The following NFAT5 variants were observed in gnomAD, a reference collection of about 807,000 sequenced individuals.
The protein encoded by NFAT5 is nuclear factor of activated T cells 5, also known as nuclear factor of activated T-cells 5.
A neutral mutation model predicts 166.5 loss-of-function variants in NFAT5; 31 were observed. The observed-to-expected ratio is 0.19, with a 90% confidence interval of 0.14 to 0.25. The LOEUF is 0.25. Ranked by LOEUF, NFAT5 falls within the 10% of genes least tolerant of loss-of-function variation. The probability of loss-of-function intolerance (pLI) is 1.00; values close to 1 mark genes in which losing one functional copy is unlikely to be tolerated. For synonymous variants in NFAT5, 612 were observed against 639.7 expected (o/e 0.96, Z 0.65); for missense variants, 1,449 against 1,821.8 (o/e 0.80, Z 3.72).
At chr16:69,690,736 T>A (rs2037512393) in intron 11 of NFAT5, 2 of 352,598 alleles carry the variant, frequency 5.7e-6, no homozygotes, top group Admixed American at 9.2e-5. Context: ...AAGCTATAGT[T>A]CCAGGCCCAT....
At chr16:69,679,574 C>T (rs188208851) in intron 10 of NFAT5, among the ~76,000 whole-genome samples, 1 of 152,008 alleles carries the variant, frequency 6.6e-6, no homozygotes, top group African/African-American at 2.4e-5. Context: ...AAGATCACAC[C>T]ACTATACTCT....
intron 2 of NFAT5, among the ~76,000 whole-genome samples, chr16:69,619,245 A>T (rs752747248): frequency 1.3e-5 from 2 of 152,368 alleles, no homozygotes; most frequent in East Asian, 3.9e-4. Flanking sequence ...AGAAAGAATA[A>T]GAACTTAGAC....
chr16:69,654,057 A>AT (rs1242790974), intron 5 of NFAT5, among the ~76,000 whole-genome samples: 3 of 151,904 alleles, frequency 2.0e-5, no homozygotes, highest in Admixed American at 6.6e-5. Context: ...TTGAGTCTTA[A>AT]TTTTTTTTAC....
At chr16:69,593,632 A>C (rs2032612763) in intron 2 of NFAT5, among the ~76,000 whole-genome samples, 1 of 152,176 alleles carries the variant, frequency 6.6e-6, no homozygotes, top group Non-Finnish European at 1.5e-5. Flanking sequence ...ATTTCTAACA[A>C]AGTAATTTTG....
intron 2 of NFAT5, among the ~76,000 whole-genome samples, chr16:69,579,306 G>A (rs1198070926): frequency 6.6e-6 from 1 of 152,096 alleles, no homozygotes; most frequent in East Asian, 1.9e-4. Context: ...AAACACAGAT[G>A]TAATTTTATA....
chr16:69,659,868 A>G lies in NFAT5; in HGVS notation c.1338A>G (p.Thr446=), dbSNP rs2036047736. 1 of 1,613,518 alleles carries G rather than the reference A, an allele frequency of 6.2e-7. No individual in the cohort carries two copies. Among genetic ancestry groups the G allele is most frequent in the East Asian group, 2.2e-5 (1 of 44,880 alleles). ...TGAGGAAAGATGGCTCCACTTTGAC[A>G]CTGCAAACACCCTCTTCTCCAATTT... ...NIMRKDGSTL[T]LQTPSSPILC... is the part of the protein sequence containing the mutation. Residue 446 remains threonine (T), a synonymous_variant, in exon 7 of 15, where the codon ACA becomes ACG. Coordinates refer to ENST00000349945, the MANE Select transcript of NFAT5 (RefSeq NM_138713.4).
chr16:69,622,808 C>T (rs1330641982), intron 2 of NFAT5, among the ~76,000 whole-genome samples: 2 of 141,842 alleles, frequency 1.4e-5, no homozygotes, highest in Non-Finnish European at 3.0e-5. Flanking sequence ...GAATCTGTTT[C>T]TTTCAAATTT....
intron 2 of NFAT5, among the ~76,000 whole-genome samples, chr16:69,601,493 A>G (rs2033131037): frequency 6.6e-6 from 1 of 152,102 alleles, no homozygotes; most frequent in South Asian, 2.1e-4. Context: ...TAGGCCTTTC[A>G]AGTGGCTAGG....
At chr16:69,574,952 A>G (rs2016656217) in intron 2 of NFAT5, among the ~76,000 whole-genome samples, 2 of 151,946 alleles carry the variant, frequency 1.3e-5, no homozygotes, top group Admixed American at 6.6e-5. Context: ...GATTACAGGC[A>G]TGAGCCACCG....
intron 4 of NFAT5, chr16:69,648,927 C>T (rs927767418): frequency 3.1e-5 from 30 of 968,822 alleles, no homozygotes; most frequent in Admixed American, 6.2e-5. Flanking sequence ...TAATATCTAC[C>T]CTTTAAGCAA....
Position 69,692,897 on chromosome 16 carries a change from G to T in NFAT5, c.3072G>T (p.Gln1024His). ...AACAGATTCAGAACAGTGTCTTTCA[G>T]ACCATGGTCCAAATGCAACATAGTG... ...QAKQIQNSVF[Q>H]TMVQMQHSGD... The change falls in exon 13 of 15, where the codon CAG becomes CAT. Residue 1024 changes from glutamine (Q) to histidine (H), a missense_variant. Physicochemically the swap from Gln to His is conservative, Grantham distance 24 (BLOSUM62 0). Coordinates refer to ENST00000349945, the MANE Select transcript of NFAT5 (RefSeq NM_138713.4). The T allele has an allele frequency of 1.2e-6, 2 of 1,614,158 alleles. No individual in the cohort carries two copies. The highest frequency in any genetic ancestry group is 1.1e-5 in the South Asian group (1 of 91,052).
rs1180926110 is a variant in NFAT5, at chr16:69,670,246, T to C, written c.1515T>C (p.Ser505=). ...TTTTATTTCAATCAGATGAAAACTC[T>C]TGGAAGTCAGAAGCTGAAATTGATA... The part of the protein sequence containing the change: ...IFQENVSDEN[S]WKSEAEIDME... Residue 505 remains serine, a synonymous_variant, in exon 9 of 15, where the codon TCT becomes TCC. Coordinates refer to ENST00000349945, the MANE Select transcript of NFAT5 (RefSeq NM_138713.4). The C allele has an allele frequency of 3.1e-6, 5 of 1,589,926 alleles. No individual in the cohort carries two copies. The highest frequency in any genetic ancestry group is 4.3e-6 in the Non-Finnish European group (5 of 1,169,900).
At chr16:69,602,904 C>T (rs1403989333) in intron 2 of NFAT5, among the ~76,000 whole-genome samples, 2 of 152,026 alleles carry the variant, frequency 1.3e-5, no homozygotes, top group African/African-American at 4.8e-5. Context: ...CACCACTGCT[C>T]CTGGCCTTGG....
At chr16:69,593,050 C>A (rs933020590) in intron 2 of NFAT5, among the ~76,000 whole-genome samples, 1 of 152,004 alleles carries the variant, frequency 6.6e-6, no homozygotes, top group East Asian at 1.9e-4. Flanking sequence ...AGATTAGTTG[C>A]GTTAGTGTCA....
At chr16:69,648,893 A>C (rs969223143) in intron 4 of NFAT5, 2 of 943,246 alleles carry the variant, frequency 2.1e-6, no homozygotes. Context: ...GCCCTTAAGC[A>C]CTCCCTCAGT....
At chr16:69,646,647 T>TCAATGCCAATTAAA in intron 3 of NFAT5, 1 of 516,752 alleles carries the variant, frequency 1.9e-6, no homozygotes, top group Non-Finnish European at 2.9e-6. Context: ...AATGAATTAT[T>TCAATGCCAATTAAA]TAATTGGCAT....
intron 7 of NFAT5, among the ~76,000 whole-genome samples, chr16:69,666,471 C>T (rs2036385404): frequency 6.6e-6 from 1 of 151,730 alleles, no homozygotes; most frequent in African/African-American, 2.4e-5. Context: ...AACAGATTTA[C>T]AAGAAAAAAA....
In NFAT5 at chr16:69,695,294, A is replaced by G. The variant is rs150303079; in HGVS notation, c.4573A>G (p.Thr1525Ala). 16 of 1,614,108 alleles carry G rather than the reference A, an allele frequency of 9.9e-6. No individual in the cohort carries two copies. In the African/African-American group the frequency reaches 1.7e-4, roughly 17 times the overall value. The change falls in exon 14 of 15, where the codon ACC (threonine) becomes GCC (alanine). Residue 1525 changes from threonine (T) to alanine (A), a missense_variant. Physicochemically the swap from Thr to Ala is moderately conservative, Grantham distance 58 (BLOSUM62 0). Coordinates refer to ENST00000349945, the MANE Select transcript of NFAT5 (RefSeq NM_138713.4). The part of the protein sequence containing the change: ...ENSPLASSIN[T>A]NQNIEKIDLL... ...TTCTCCACTGGCATCCTCTATAAAC[A>G]CCAACCAGAACATCGAAAAGATTGA... is the stretch of plus-strand genomic sequence containing the variant.
chr16:69,601,436 C>T (rs1056176660), intron 2 of NFAT5, among the ~76,000 whole-genome samples: 3 of 152,158 alleles, frequency 2.0e-5, no homozygotes, highest in Non-Finnish European at 2.9e-5. Context: ...GGCGCAATCA[C>T]GGCTCACTGT....
Sources: gnomAD v4.1 joint callset for allele counts (sites outside exome capture counted in the v4.1 genomes callset) on GRCh38, gnomAD v4.1.1 for gene constraint, MANE v1.5 for transcripts, NCBI Gene and HGNC (gene_info 2026-07-23, HGNC 2026-07-21) for gene names.